ETHE1: variants seen among roughly 807,000 people sequenced by gnomAD.
ETHE1 encodes the protein persulfide dioxygenase ETHE1, mitochondrial.
A neutral mutation model predicts 25.7 loss-of-function variants in ETHE1; 16 were observed. The observed-to-expected ratio is 0.62, with a 90% CI of 0.42 to 0.95. ETHE1 has a LOEUF of 0.95. Among genes scored for constraint, ETHE1 ranks in the 40% least tolerant of loss-of-function variants. The pLI, the probability that ETHE1 is intolerant of heterozygous loss-of-function variation, is 0.00. For missense variants in ETHE1, 300 were observed against 333.6 expected (o/e 0.90, Z 0.79); for synonymous variants, 139 against 135.9 (o/e 1.02, Z -0.16).
At chr19:43,513,134 C>T (rs1971951742) in intron 3 of ETHE1, among the ~76,000 whole-genome samples, 1 of 152,146 alleles carries the variant, frequency 6.6e-6, no homozygotes, top group Non-Finnish European at 1.5e-5. Context: ...ATTTGAGAGG[C>T]TGTATGGAAA....
At chr19:43,520,036 A>AC (rs1385763617) in intron 3 of ETHE1, among the ~76,000 whole-genome samples, 3 of 135,378 alleles carry the variant, frequency 2.2e-5, no homozygotes, top group South Asian at 2.3e-4. Flanking sequence ...ACATAGCGAG[A>AC]CCCCCACCCA....
At chr19:43,511,953 C>T (rs1274812845) in intron 3 of ETHE1, among the ~76,000 whole-genome samples, 3 of 151,970 alleles carry the variant, frequency 2.0e-5, no homozygotes, top group Non-Finnish European at 2.9e-5. Context: ...CATGCTGTCT[C>T]GTGATGATGA....
chr19:43,521,070 C>G (rs556226740), intron 3 of ETHE1, among the ~76,000 whole-genome samples: 50 of 152,248 alleles, frequency 3.3e-4, no homozygotes, highest in African/African-American at 9.6e-4. Context: ...CGGTGGCTCA[C>G]TCCTGTAATC....
rs71169249 is a variant in ETHE1, at chr19:43,516,623, C to CTTTT, written c.376-5061_376-5058dup. Among the ~76,000 whole-genome samples the CTTTT allele has an allele frequency of 2.5e-4, 27 of 110,188 alleles. 1 individual carries two copies. In the East Asian group the frequency reaches 3.8e-3, roughly 15 times the overall value. 72.3% of individuals were successfully genotyped at this position (110,188 alleles called of 152,430 possible). A position where few individuals can be genotyped will look rare whatever the true frequency, so the allele number is the denominator to read the frequency against. Reference sequence around the variant, plus strand: ...CTGGCTTTTTTTTCTTTCTTTTTTTCTTTTTTTTTTTTTTTTTTGAGATAG... The same window carrying CTTTT: ...CTGGCTTTTTTTTCTTTCTTTTTTTCTTTTTTTTTTTTTTTTTTTTTTGAGATAG... On this transcript the variant is annotated intron_variant, in intron 3 of 6. Coordinates refer to ENST00000292147, the MANE Select transcript of ETHE1 (RefSeq NM_014297.5).
chr19:43,513,202 T>A (rs981385509), intron 3 of ETHE1, among the ~76,000 whole-genome samples: 1 of 152,108 alleles, frequency 6.6e-6, no homozygotes, highest in Non-Finnish European at 1.5e-5. Flanking sequence ...AGGGAACCTC[T>A]GCTAGGACAG....
At chr19:43,524,821 C>CA (rs1295144229) in intron 3 of ETHE1, among the ~76,000 whole-genome samples, 1 of 149,076 alleles carries the variant, frequency 6.7e-6, no homozygotes, top group Non-Finnish European at 1.5e-5. Flanking sequence ...AACAAACAAA[C>CA]AACAACAACA....
chr19:43,518,295 TC>T (rs1273084083), intron 3 of ETHE1, among the ~76,000 whole-genome samples: 1 of 150,762 alleles, frequency 6.6e-6, no homozygotes, highest in Non-Finnish European at 1.5e-5. Flanking sequence ...GAGGGGAAGA[TC>T]ATTTGAGCCC....
intron 6 of ETHE1, 105 bp from the exon 7 acceptor site, chr19:43,507,007 G>A: frequency 1.5e-5 from 19 of 1,244,884 alleles, no homozygotes; most frequent in Middle Eastern, 2.1e-4. Context: ...GGAAACTAGA[G>A]TTTTGGTCCT....
chr19:43,506,997 G>A, intron 6 of ETHE1, 95 bp from the exon 7 acceptor site: 1 of 1,347,504 alleles, frequency 7.4e-7, no homozygotes, highest in Non-Finnish European at 1.1e-6. Context: ...TTCCTCTTCA[G>A]GAAACTAGAG....
chr19:43,525,511 C>G (rs1468232336), intron 3 of ETHE1: 1 of 152,742 alleles, frequency 6.5e-6, no homozygotes, highest in African/African-American at 2.4e-5. Context: ...GTTTCCCTCT[C>G]TCTGAGGGCA....
At chr19:43,525,831 A>T (rs999469422) in intron 3 of ETHE1, 2 of 320,842 alleles carry the variant, frequency 6.2e-6, no homozygotes, top group Admixed American at 4.6e-5. Flanking sequence ...CCTCAAACGG[A>T]GGTTTCCGCA....
At chr19:43,518,798 T>C (rs1196548078) in intron 3 of ETHE1, among the ~76,000 whole-genome samples, 2 of 148,870 alleles carry the variant, frequency 1.3e-5, no homozygotes, top group African/African-American at 4.9e-5. Context: ...TTGTTAGACG[T>C]GACAAAGGTT....
intron 4 of ETHE1, among the ~76,000 whole-genome samples, chr19:43,509,210 G>T (rs1448019660): frequency 6.6e-6 from 1 of 152,084 alleles, no homozygotes; most frequent in Admixed American, 6.6e-5. Flanking sequence ...AGAAACTGAA[G>T]ACAAAGCCAG....
chr19:43,507,350 C>CCCCAG (rs1971800136), intron 6 of ETHE1, among the ~76,000 whole-genome samples: 1 of 110,124 alleles, frequency 9.1e-6, no homozygotes, highest in Non-Finnish European at 1.9e-5. Context: ...GAGCCCAGGT[C>CCCCAG]CCCAGTCCCT....
rs863223955 is a variant in ETHE1, at chr19:43,526,519, A to AT, written c.221dup (p.Tyr74Ter). ...GAGTTTGGTCCCCGGACTGACCAGC[A>AT]TAGAGCAGCCGCAGCCCCAGCTCCT... is the stretch of plus-strand genomic sequence containing the variant. The part of the protein sequence containing the change: ...LIKELGLRLL[Y>*]AVNTHCHADH... The change falls in exon 2 of 7, where the codon TAT (tyrosine) becomes TAAT (stop). Residue 74 changes from tyrosine to a stop codon, truncating the protein, a stop_gained and frameshift_variant. Transcript: ENST00000292147. LOFTEE classifies it high-confidence loss of function. The AT allele has an allele frequency of 1.9e-6, 3 of 1,613,276 alleles. No individual in the cohort carries two copies. Among genetic ancestry groups the AT allele is most frequent in the Non-Finnish European group, 2.5e-6 (3 of 1,179,708 alleles).
At chr19:43,524,615 G>A (rs944451483) in intron 3 of ETHE1, among the ~76,000 whole-genome samples, 2 of 151,936 alleles carry the variant, frequency 1.3e-5, no homozygotes, top group Non-Finnish European at 2.9e-5. Flanking sequence ...TTAAGCCTGG[G>A]CAACATAGTG....
At chr19:43,524,560 G>A (rs557796173) in intron 3 of ETHE1, among the ~76,000 whole-genome samples, 5 of 152,100 alleles carry the variant, frequency 3.3e-5, no homozygotes, top group South Asian at 2.1e-4. Context: ...TTGTGCACTC[G>A]AAATAGATAA....
chr19:43,517,568 G>A (rs1161676304), intron 3 of ETHE1, among the ~76,000 whole-genome samples: 2 of 151,348 alleles, frequency 1.3e-5, no homozygotes, highest in African/African-American at 2.4e-5. Context: ...CCTGAGGTCA[G>A]GAGTTCAAGA....
At chr19:43,510,335 C>G (rs377442945) in intron 4 of ETHE1, among the ~76,000 whole-genome samples, 1 of 133,304 alleles carries the variant, frequency 7.5e-6, no homozygotes, top group Admixed American at 7.6e-5. Context: ...CTTTTTTTAT[C>G]TTTTTTTTTT....
Sources: gnomAD v4.1 joint callset for allele counts (sites outside exome capture counted in the v4.1 genomes callset) on GRCh38, gnomAD v4.1.1 for gene constraint, MANE v1.5 for transcripts, NCBI Gene and HGNC (gene_info 2026-07-23, HGNC 2026-07-21) for gene names.